The following PACRG variants were observed in gnomAD, a reference collection of about 807,000 sequenced individuals.
PACRG encodes the protein parkin coregulated.
Under a neutral mutation model 29.7 loss-of-function variants are expected in PACRG, and 29 were observed. That is an observed-to-expected ratio of 0.98 (90% CI 0.73 to 1.33). The LOEUF is 1.33. Ranked by LOEUF, PACRG falls within the 40% of genes most tolerant of loss-of-function variation. The probability of loss-of-function intolerance (pLI) is 0.00; values close to 1 mark genes in which losing one functional copy is unlikely to be tolerated. For synonymous variants in PACRG, 116 were observed against 118.7 expected (o/e 0.98, Z 0.15); for missense variants, 279 against 316.2 (o/e 0.88, Z 0.89).
chr6:163,090,660 C>T (rs1054906652), intron 4 of PACRG, among the ~76,000 whole-genome samples: 20 of 152,140 alleles, frequency 1.3e-4, no homozygotes, highest in Non-Finnish European at 2.9e-4. Flanking sequence ...ATAGTAGCAG[C>T]AAATATCCAT....
intron 2 of PACRG, among the ~76,000 whole-genome samples, chr6:162,951,331 A>G (rs1215637118): frequency 6.6e-6 from 1 of 152,254 alleles, no homozygotes; most frequent in Non-Finnish European, 1.5e-5. Flanking sequence ...CAGCTGAGCT[A>G]TGACTGATCA....
intron 2 of PACRG, among the ~76,000 whole-genome samples, chr6:162,836,483 G>A (rs1047286459): frequency 3.3e-5 from 5 of 152,026 alleles, no homozygotes; most frequent in South Asian, 2.1e-4. Flanking sequence ...TTCCATGATC[G>A]CTCAAGCTGA....
At chr6:163,207,191 T>C (rs956334136) in intron 4 of PACRG, among the ~76,000 whole-genome samples, 4 of 152,206 alleles carry the variant, frequency 2.6e-5, no homozygotes, top group African/African-American at 9.7e-5. Context: ...CAGTGGTATT[T>C]ATCTCTTACT....
At chr6:163,294,618 C>A (rs1272506697) in intron 4 of PACRG, among the ~76,000 whole-genome samples, 2 of 151,938 alleles carry the variant, frequency 1.3e-5, no homozygotes, top group African/African-American at 4.8e-5. Context: ...ACAGCCATAT[C>A]CTTGCATTTA....
rs535727235 is a variant in PACRG at position 163,277,494 on chromosome 6, T to TATAC, written c.614-37332_614-37331insTACA. Among the ~76,000 whole-genome samples, 68 of 73,444 alleles carry TATAC rather than the reference T, an allele frequency of 9.3e-4. 2 individuals carry two copies. In the South Asian group the frequency reaches 0.023, roughly 24 times the overall value. The allele number at this position is 73,444 out of a possible 152,430, so 48.2% of individuals were successfully genotyped here. A position where few individuals can be genotyped will look rare whatever the true frequency, so the allele number is the denominator to read the frequency against. On this transcript the variant is annotated intron_variant, in intron 4 of 4. Transcript: ENST00000366888. ...GTGTGTGTATGTGTGTATATATATA[T>TATAC]ACACACATACACACACACACACATA...
At chr6:162,745,130 A>G (rs1562553853) in intron 1 of PACRG, among the ~76,000 whole-genome samples, 3 of 152,194 alleles carry the variant, frequency 2.0e-5, no homozygotes, top group Non-Finnish European at 2.9e-5. Context: ...GAAGATATAT[A>G]TCATTTTGCT....
intron 1 of PACRG, among the ~76,000 whole-genome samples, chr6:162,756,200 T>C (rs1243221742): frequency 6.6e-6 from 1 of 152,218 alleles, no homozygotes; most frequent in Non-Finnish European, 1.5e-5. Context: ...GTTTCTTTAT[T>C]GATATTCTGT....
At chr6:162,892,401 C>T (rs35828657) in intron 2 of PACRG, among the ~76,000 whole-genome samples, 23,734 of 152,144 alleles carry the variant, frequency 0.16, 2,261 homozygotes, top group East Asian at 0.35. Flanking sequence ...GGACCATCTT[C>T]TCTTGGCTGC....
At chr6:162,741,762 G>C (rs771408840) in intron 1 of PACRG, among the ~76,000 whole-genome samples, 50 of 152,272 alleles carry the variant, frequency 3.3e-4, no homozygotes, top group Admixed American at 2.3e-3. Context: ...GTTCTTGGCT[G>C]CCAGAATGAA....
At chr6:163,057,265 A>G (rs751522721) in intron 2 of PACRG, among the ~76,000 whole-genome samples, 4 of 152,230 alleles carry the variant, frequency 2.6e-5, no homozygotes, top group Non-Finnish European at 5.9e-5. Flanking sequence ...GGTGAGGGCT[A>G]GTATCCAAAT....
intron 2 of PACRG, among the ~76,000 whole-genome samples, chr6:163,007,679 T>C (rs1199416616): frequency 1.3e-5 from 2 of 152,190 alleles, no homozygotes; most frequent in Non-Finnish European, 1.5e-5. Context: ...CATTGTCAGA[T>C]GTCCAGTGCC....
chr6:162,820,865 G>T (rs1787783973), intron 2 of PACRG, among the ~76,000 whole-genome samples: 1 of 152,068 alleles, frequency 6.6e-6, no homozygotes, highest in African/African-American at 2.4e-5. Context: ...TTTTACAAGA[G>T]AAGTGACAAT....
intron 2 of PACRG, among the ~76,000 whole-genome samples, chr6:162,946,589 C>T (rs1479261394): frequency 1.3e-5 from 2 of 152,072 alleles, no homozygotes; most frequent in Admixed American, 1.3e-4. Flanking sequence ...AATTCTCAAA[C>T]TATTCCAAAA....
chr6:163,313,177 T>C (rs1056765904), intron 4 of PACRG, among the ~76,000 whole-genome samples: 1 of 151,940 alleles, frequency 6.6e-6, no homozygotes, highest in Non-Finnish European at 1.5e-5. Flanking sequence ...GAAATTCAGC[T>C]TTACCTGTGA....
intron 2 of PACRG, among the ~76,000 whole-genome samples, chr6:163,005,798 A>G (rs1805013945): frequency 6.7e-6 from 1 of 149,142 alleles, no homozygotes; most frequent in Non-Finnish European, 1.5e-5. Flanking sequence ...TACATGTTAT[A>G]TATATACAAC....
Position 163,274,861 on chromosome 6 carries a change from C to CTTTCTT in PACRG, c.614-39963_614-39962insCTTTTT, listed in dbSNP as rs1554238854. 1.4e-3 allele frequency among the ~76,000 whole-genome samples: 175 copies of CTTTCTT among 126,308 alleles called. 1 individual carries two copies. Among genetic ancestry groups the CTTTCTT allele is most frequent in the Middle Eastern group, 4.5e-3 (1 of 224 alleles). 82.9% of individuals were successfully genotyped at this position (126,308 alleles called of 152,430 possible). A position where few individuals can be genotyped will look rare whatever the true frequency, so the allele number is the denominator to read the frequency against. On this transcript the variant is annotated intron_variant, in intron 4 of 4. Coordinates refer to ENST00000366888, the MANE Select transcript of PACRG (RefSeq NM_001080379.2). Reference sequence around the variant, plus strand: ...TTCTTTTTCTTTTCTTTCTTTCTTTCTTTTTTTTTTTTTTTTGAGATAGAG... The same window carrying CTTTCTT: ...TTCTTTTTCTTTTCTTTCTTTCTTTCTTTCTTTTTTTTTTTTTTTTTTGAGATAGAG...
chr6:163,031,101 A>C (rs1807620892), intron 2 of PACRG, among the ~76,000 whole-genome samples: 1 of 152,216 alleles, frequency 6.6e-6, no homozygotes, highest in African/African-American at 2.4e-5. Flanking sequence ...GGCAAGGGCC[A>C]TTCATGACTC....
intron 2 of PACRG, among the ~76,000 whole-genome samples, chr6:162,898,559 G>A (rs1467484631): frequency 6.6e-6 from 1 of 152,214 alleles, no homozygotes; most frequent in Non-Finnish European, 1.5e-5. Flanking sequence ...TATTCCCTGA[G>A]TTCAATCCTG....
chr6:163,207,323 A>C (rs952667064), intron 4 of PACRG, among the ~76,000 whole-genome samples: 1 of 152,236 alleles, frequency 6.6e-6, no homozygotes, highest in Non-Finnish European at 1.5e-5. Context: ...AAGTTTCTCC[A>C]AATGGAACAG....
Sources: gnomAD v4.1 joint callset for allele counts (sites outside exome capture counted in the v4.1 genomes callset) on GRCh38, gnomAD v4.1.1 for gene constraint, MANE v1.5 for transcripts, NCBI Gene and HGNC (gene_info 2026-07-23, HGNC 2026-07-21) for gene names.